Variants in NTM observed in about 807,000 individuals in gnomAD.
The protein encoded by NTM is neurotrimin, also known as IgLON family member 2.
NTM carries 13 observed loss-of-function variants against 42.1 expected under a neutral mutation model. The ratio of observed to expected loss-of-function variants is 0.31; its 90% CI spans 0.20 to 0.49. NTM has a LOEUF of 0.49. Among genes scored for constraint, NTM ranks in the 20% least tolerant of loss-of-function variants. The pLI, the probability that NTM is intolerant of heterozygous loss-of-function variation, is 0.99. For missense variants in NTM, 373 were observed against 452.8 expected (o/e 0.82, Z 1.60); for synonymous variants, 187 against 179.2 (o/e 1.04, Z -0.35).
chr11:131,960,830 C>A (rs1338743480), intron 2 of NTM, among the ~76,000 whole-genome samples: 1 of 152,156 alleles, frequency 6.6e-6, no homozygotes, highest in East Asian at 1.9e-4. Context: ...CTAACTTCAC[C>A]TTTTCCAATT....
At chr11:132,274,035 T>C (rs2093613822) in intron 4 of NTM, among the ~76,000 whole-genome samples, 1 of 152,224 alleles carries the variant, frequency 6.6e-6, no homozygotes, top group African/African-American at 2.4e-5. Flanking sequence ...ATTCATAACA[T>C]TGCTTTATGA....
chr11:132,137,738 G>A (rs1024785635), intron 2 of NTM, among the ~76,000 whole-genome samples: 4 of 152,130 alleles, frequency 2.6e-5, no homozygotes, highest in Non-Finnish European at 4.4e-5. Flanking sequence ...GACTTTGATG[G>A]AGGGATATAG....
chr11:131,382,512 A>G (rs545527251), intron 1 of NTM, among the ~76,000 whole-genome samples: 1 of 152,316 alleles, frequency 6.6e-6, no homozygotes, highest in African/African-American at 2.4e-5. Flanking sequence ...AAAAATCTCC[A>G]TTTAATTAGT....
chr11:131,908,746 T>C (rs570729093), intron 1 of NTM, among the ~76,000 whole-genome samples: 2 of 152,362 alleles, frequency 1.3e-5, no homozygotes, highest in East Asian at 3.9e-4. Flanking sequence ...ATCATATTTA[T>C]CTTAACGTGG....
At chr11:131,626,489 C>T (rs1592273395) in intron 1 of NTM, among the ~76,000 whole-genome samples, 2 of 152,292 alleles carry the variant, frequency 1.3e-5, no homozygotes, top group East Asian at 3.9e-4. Context: ...GTCTCTTCTT[C>T]CAAAGGGTGG....
chr11:131,580,486 G>C (rs1382480311), intron 1 of NTM, among the ~76,000 whole-genome samples: 1 of 152,028 alleles, frequency 6.6e-6, no homozygotes, highest in East Asian at 1.9e-4. Context: ...CTGTGAGGGA[G>C]AGAGAGAGAG....
At chr11:131,882,056 A>G (rs987537455) in intron 1 of NTM, among the ~76,000 whole-genome samples, 43 of 152,236 alleles carry the variant, frequency 2.8e-4, no homozygotes, top group Non-Finnish European at 5.7e-4. Flanking sequence ...ATATATTCCA[A>G]CAAAGGGCCC....
chr11:131,712,342 G>T (rs1210625911), intron 1 of NTM, among the ~76,000 whole-genome samples: 1 of 152,012 alleles, frequency 6.6e-6, no homozygotes, highest in African/African-American at 2.4e-5. Flanking sequence ...TTGTTAAGAG[G>T]AGGAGTGCTG....
intron 2 of NTM, among the ~76,000 whole-genome samples, chr11:132,070,252 G>A (rs71485735): frequency 0.12 from 15,115 of 129,434 alleles, 1,757 homozygotes; most frequent in Middle Eastern, 0.22. Context: ...GCCAAAACAC[G>A]TCAAACTGAC....
At chr11:132,041,198 G>GGTGTGTGT (rs778223867) in intron 2 of NTM, among the ~76,000 whole-genome samples, 1 of 145,606 alleles carries the variant, frequency 6.9e-6, no homozygotes, top group African/African-American at 2.5e-5. Context: ...TTTGTGTGTG[G>GGTGTGTGT]GTGTGTGTGT....
At chr11:132,247,533 A>G (rs957637448) in intron 4 of NTM, among the ~76,000 whole-genome samples, 53 of 152,182 alleles carry the variant, frequency 3.5e-4, no homozygotes, top group African/African-American at 1.3e-3. Context: ...TACTGGGTGA[A>G]TAAATGAATA....
At chr11:131,589,203 A>T (rs1387983655) in intron 1 of NTM, among the ~76,000 whole-genome samples, 3 of 116,782 alleles carry the variant, frequency 2.6e-5, no homozygotes, top group African/African-American at 1.5e-4. Context: ...GTGTGTGTGT[A>T]GGCTCTGGTT....
Position 131,598,787 on chromosome 11 carries a change from TTC to T in NTM, c.82+227901_82+227902del, listed in dbSNP as rs1491136565. On this transcript the variant is annotated intron_variant, in intron 1 of 8. Transcript: ENST00000683400. ...CTTTTTTTCTTTCTTTCTTTCTTCT[TTC>T]TTTCTTTCTTTTTCTTTCTTTCTTC... 2.3e-3 allele frequency among the ~76,000 whole-genome samples: 242 copies of T among 106,054 alleles called. 32 individuals carry two copies. Among genetic ancestry groups the T allele is most frequent in the African/African-American group, 6.4e-3 (232 of 35,972 alleles). 69.6% of individuals were successfully genotyped at this position (106,054 alleles called of 152,430 possible). A position where few individuals can be genotyped will look rare whatever the true frequency, so the allele number is the denominator to read the frequency against.
chr11:131,774,972 A>C (rs1291663491), intron 1 of NTM, among the ~76,000 whole-genome samples: 3 of 152,184 alleles, frequency 2.0e-5, no homozygotes, highest in Non-Finnish European at 4.4e-5. Context: ...CAGCAAATGC[A>C]CATCTCTCTG....
chr11:131,510,470 G>A (rs1000571868), intron 1 of NTM, among the ~76,000 whole-genome samples: 3 of 152,148 alleles, frequency 2.0e-5, no homozygotes, highest in African/African-American at 7.2e-5. Flanking sequence ...AAAGGACGGT[G>A]CTTGGAGCCA....
At position 131,688,254 on chromosome 11, in the gene NTM, C is replaced by A. The variant is rs1375211820; in HGVS notation, c.83-223310C>A. Among the ~76,000 whole-genome samples, 6 of 152,296 alleles carry A rather than the reference C, an allele frequency of 3.9e-5. No homozygotes were observed. The East Asian group carries it at 5.8e-4, about 15-fold the overall frequency. ...CGGGGCGGGGGAGGGCCCCTCTCAG[C>A]GGACTCCAGACAGGGGGGAAAGCAG... On this transcript the variant is annotated intron_variant, in intron 1 of 8. Coordinates refer to ENST00000683400, the MANE Select transcript of NTM (RefSeq NM_001352005.2).
intron 1 of NTM, among the ~76,000 whole-genome samples, chr11:131,694,996 C>T (rs1473755983): frequency 3.3e-5 from 5 of 152,182 alleles, no homozygotes. Flanking sequence ...TTGCGACCTG[C>T]TGCCACCAGA....
chr11:132,268,657 CCTCTCT>C (rs71870444), intron 4 of NTM, among the ~76,000 whole-genome samples: 43,354 of 134,604 alleles, frequency 0.32, 6,870 homozygotes, highest in Middle Eastern at 0.45. Flanking sequence ...GGTGTGGGGT[CCTCTCT>C]CTCTCTCTGT....
intron 1 of NTM, among the ~76,000 whole-genome samples, chr11:131,762,498 GGTT>G (rs887289718): frequency 1.3e-5 from 2 of 152,238 alleles, no homozygotes; most frequent in African/African-American, 4.8e-5. Flanking sequence ...GCCAAGGGCA[GGTT>G]GGCGCTGAAT....
Sources: allele counts gnomAD v4.1 joint callset (sites outside exome capture counted in the v4.1 genomes callset), GRCh38; gene constraint gnomAD v4.1.1; transcripts MANE v1.5; gene names NCBI Gene and HGNC (gene_info 2026-07-23, HGNC 2026-07-21).